LPAR1: variants seen among roughly 807,000 people sequenced by gnomAD.
The protein encoded by LPAR1 is lysophosphatidic acid receptor 1.
A neutral mutation model predicts 23.8 loss-of-function variants in LPAR1; 5 were observed. The observed-to-expected ratio is 0.21, with a 90% CI of 0.11 to 0.44. LPAR1 has a LOEUF of 0.44. Ranked by LOEUF, LPAR1 falls within the 20% of genes least tolerant of loss-of-function variation. The pLI is 0.99. For missense variants in LPAR1, 311 were observed against 482.8 expected (o/e 0.64, Z 3.33); for synonymous variants, 160 against 164.7 (o/e 0.97, Z 0.22).
chr9:110,931,441 T>A (rs1236742592), intron 5 of LPAR1, among the ~76,000 whole-genome samples: 1 of 152,228 alleles, frequency 6.6e-6, no homozygotes, highest in Non-Finnish European at 1.5e-5. Flanking sequence ...CTTCAATGCA[T>A]GTTTGCTGAC....
chr9:110,963,917 G>A (rs543475379), intron 4 of LPAR1, among the ~76,000 whole-genome samples: 3 of 152,184 alleles, frequency 2.0e-5, no homozygotes, highest in South Asian at 2.1e-4. Context: ...AAATCCACCC[G>A]GGTCTACGCC....
intron 5 of LPAR1, among the ~76,000 whole-genome samples, chr9:110,879,211 G>A (rs1468969754): frequency 1.3e-5 from 2 of 152,060 alleles, no homozygotes; most frequent in Non-Finnish European, 2.9e-5. Flanking sequence ...GAGGTCAGGA[G>A]TTTGAGACCA....
At chr9:110,950,885 G>C (rs1021739640) in intron 4 of LPAR1, among the ~76,000 whole-genome samples, 1 of 152,122 alleles carries the variant, frequency 6.6e-6, no homozygotes. Context: ...CAGACTCCCT[G>C]AACATTGATA....
chr9:110,999,385 C>T (rs1022751650), intron 2 of LPAR1: 1 of 456,100 alleles, frequency 2.2e-6, no homozygotes, highest in Non-Finnish European at 4.4e-6. Flanking sequence ...AGACCTCCCC[C>T]ACCCTACCTC....
chr9:110,943,592 G>A (rs1054188662), intron 4 of LPAR1, among the ~76,000 whole-genome samples: 2 of 152,064 alleles, frequency 1.3e-5, no homozygotes, highest in East Asian at 1.9e-4. Context: ...GGGCACAGTG[G>A]CTCACATCTG....
At chr9:110,921,708 C>A (rs747593766) in intron 5 of LPAR1, among the ~76,000 whole-genome samples, 23 of 152,178 alleles carry the variant, frequency 1.5e-4, no homozygotes, top group Admixed American at 2.6e-4. Context: ...TCTCAGCATA[C>A]AGGTGGTCTT....
intron 2 of LPAR1, among the ~76,000 whole-genome samples, chr9:111,017,061 C>T (rs1381611474): frequency 6.6e-6 from 1 of 152,146 alleles, no homozygotes; most frequent in African/African-American, 2.4e-5. Context: ...AGTTGTCCCC[C>T]CTGGTTAGTC....
chr9:110,922,855 T>TATTATTATA (rs1381965665), intron 5 of LPAR1, among the ~76,000 whole-genome samples: 3 of 148,018 alleles, frequency 2.0e-5, no homozygotes, highest in South Asian at 2.1e-4. Context: ...TTATTATTAT[T>TATTATTATA]ATACTTTAAG....
intron 5 of LPAR1, among the ~76,000 whole-genome samples, chr9:110,915,870 T>G (rs1435712159): frequency 6.6e-6 from 1 of 152,200 alleles, no homozygotes; most frequent in African/African-American, 2.4e-5. Context: ...TGCCTTCTTT[T>G]CCTCTCTTGC....
rs538061341 is a variant in LPAR1, at chr9:110,874,433, A to G, written c.*988T>C. On this transcript the variant is annotated 3_prime_UTR_variant, in exon 6 of 6. Transcript: ENST00000683809. ...GTATACAATACACATATAGGCATACATGGGGGTTGCTTTTTAAAGGTGGTT... is the reference window on the plus strand; with the variant it reads ...GTATACAATACACATATAGGCATACGTGGGGGTTGCTTTTTAAAGGTGGTT... 1 of 152,764 alleles carries G rather than the reference A, an allele frequency of 6.5e-6. No homozygotes were observed. The highest frequency in any genetic ancestry group is 2.1e-4 in the South Asian group (1 of 4,830). 9.5% of individuals were successfully genotyped at this position (152,764 alleles called of 1,614,324 possible).
chr9:110,898,696 G>A (rs575688757), intron 5 of LPAR1, among the ~76,000 whole-genome samples: 27 of 152,270 alleles, frequency 1.8e-4, no homozygotes, highest in Admixed American at 1.4e-3. Context: ...AACTTCTCTA[G>A]GCCTCAAATT....
chr9:111,021,159 G>A (rs1009592257), intron 2 of LPAR1, among the ~76,000 whole-genome samples: 10 of 152,160 alleles, frequency 6.6e-5, no homozygotes, highest in Non-Finnish European at 1.3e-4. Context: ...GGAAGATGCT[G>A]GTCAAAGGGT....
rs577428693 is a variant in LPAR1 at position 110,928,943 on chromosome 9, A to G, written c.793+12478T>C. ...CTTGAGTGAATGAGTTCATGCCTGC[A>G]ATATAAATATGAGAAGCTTTTTGAA... On this transcript the variant is annotated intron_variant, in intron 5 of 5. Transcript: ENST00000683809. Among the ~76,000 whole-genome samples the G allele has an allele frequency of 3.3e-4, 51 of 152,364 alleles. 1 individual carries two copies. In the South Asian group the frequency reaches 0.01, roughly 30 times the overall value.
intron 5 of LPAR1, among the ~76,000 whole-genome samples, chr9:110,882,893 T>G (rs1298289694): frequency 1.3e-5 from 2 of 152,240 alleles, no homozygotes; most frequent in Non-Finnish European, 2.9e-5. Flanking sequence ...TTCAGATATT[T>G]ATAAATTTAG....
At position 111,022,903 on chromosome 9, in the gene LPAR1, A is replaced by T. The variant is rs571299497; in HGVS notation, c.-182+13219T>A. Among the ~76,000 whole-genome samples the T allele has an allele frequency of 3.3e-5, 5 of 152,132 alleles. No individual in the cohort carries two copies. In the East Asian group the frequency reaches 9.7e-4, roughly 30 times the overall value. On this transcript the variant is annotated intron_variant, in intron 2 of 5. Transcript: ENST00000683809. ...GTCTCTACTAAAAATGCAAAAAAAA[A>T]TTAGCCGGGCATGGTGGCGGGTGCC... is the stretch of plus-strand genomic sequence containing the variant.
intron 5 of LPAR1, among the ~76,000 whole-genome samples, chr9:110,928,077 T>C (rs1164331151): frequency 6.6e-6 from 1 of 152,140 alleles, no homozygotes; most frequent in African/African-American, 2.4e-5. Flanking sequence ...ATAAGCTTCC[T>C]AGTAATAAAG....
At chr9:111,032,520 T>C (rs1427747392) in intron 2 of LPAR1, among the ~76,000 whole-genome samples, 1 of 152,134 alleles carries the variant, frequency 6.6e-6, no homozygotes, top group Non-Finnish European at 1.5e-5. Flanking sequence ...TAGCAGGCAG[T>C]CAGTTAAGTG....
intron 2 of LPAR1, among the ~76,000 whole-genome samples, chr9:110,984,224 G>A (rs1310206507): frequency 6.6e-6 from 1 of 151,184 alleles, no homozygotes; most frequent in African/African-American, 2.4e-5. Flanking sequence ...CTATATTTCT[G>A]TACCCATTAA....
chr9:110,895,052 C>A (rs1355055171), intron 5 of LPAR1, among the ~76,000 whole-genome samples: 1 of 152,064 alleles, frequency 6.6e-6, no homozygotes, highest in Non-Finnish European at 1.5e-5. Context: ...TGAATATTTG[C>A]TTTTAATTTC....
Sources: allele counts gnomAD v4.1 joint callset (sites outside exome capture counted in the v4.1 genomes callset), GRCh38; gene constraint gnomAD v4.1.1; transcripts MANE v1.5; gene names NCBI Gene and HGNC (gene_info 2026-07-23, HGNC 2026-07-21).